Variants in AGPAT2 observed in about 807,000 individuals in gnomAD.
AGPAT2 encodes the protein 1-acyl-sn-glycerol-3-phosphate acyltransferase beta.
AGPAT2 carries 18 observed loss-of-function variants against 26.1 expected under a neutral mutation model. That is an observed-to-expected ratio of 0.69 (90% CI 0.48 to 1.02). The LOEUF (loss-of-function observed/expected upper bound fraction) is 1.02, where lower values mean the gene tolerates loss of function less well. Among genes scored for constraint, AGPAT2 ranks in the 50% least tolerant of loss-of-function variants. The probability of loss-of-function intolerance (pLI) is 0.00; values close to 1 mark genes in which losing one functional copy is unlikely to be tolerated. For synonymous variants in AGPAT2, 200 were observed against 174.2 expected (o/e 1.15, Z -1.16); for missense variants, 415 against 394.9 (o/e 1.05, Z -0.43).
intron 1 of AGPAT2, among the ~76,000 whole-genome samples, chr9:136,681,826 CA>C (rs1846164963): frequency 6.6e-6 from 1 of 152,066 alleles, no homozygotes; most frequent in Non-Finnish European, 1.5e-5. Flanking sequence ...AGTGTTTCCT[CA>C]GAGAGGAAGG....
At position 136,677,831 on chromosome 9, in the gene AGPAT2, A is replaced by C. The variant is rs1846113613; in HGVS notation, c.183-275T>G. On this transcript the variant is annotated intron_variant, in intron 1 of 5. Coordinates refer to ENST00000371696, the MANE Select transcript of AGPAT2 (RefSeq NM_006412.4). ...ATGCTAGGAGCATGGGAAGGCGCCC[A>C]CTTCCAAATCCACATCCAGGGCCCA... Among the ~76,000 whole-genome samples the C allele has an allele frequency of 1.3e-5, 2 of 152,106 alleles. 1 individual carries two copies. Among genetic ancestry groups the C allele is most frequent in the South Asian group, 4.1e-4 (2 of 4,834 alleles).
intron 4 of AGPAT2, among the ~76,000 whole-genome samples, chr9:136,675,240 G>C (rs979636834): frequency 1.3e-5 from 2 of 152,284 alleles, no homozygotes; most frequent in East Asian, 3.9e-4. Flanking sequence ...GAGCCTGCTG[G>C]TGTTCCTGGA....
rs901984554 is a variant in AGPAT2, at chr9:136,676,942, C to T, written c.492+19G>A. ...CAGGCCCCACCCCAACCCCACCGAG[C>T]CCGGCCCTGCACACTCACGTTCTCC... On this transcript the variant is annotated intron_variant, in intron 3 of 5. Transcript: ENST00000371696. 2 of 1,602,332 alleles carry T rather than the reference C, an allele frequency of 1.2e-6. No homozygotes were observed. The highest frequency in any genetic ancestry group is 1.7e-6 in the Non-Finnish European group (2 of 1,172,924).
At position 136,677,493 on chromosome 9, in the gene AGPAT2, GTCCC is replaced by G. The variant is rs1469055079; in HGVS notation, c.242_245del (p.Arg81ProfsTer23). 6.2e-7 allele frequency: 1 copy of G among 1,612,970 alleles called. No homozygotes were observed. The highest frequency in any genetic ancestry group is 1.3e-5 in the African/African-American group (1 of 74,942). ...GACGGGCCTCCTGCAGCCTGCGCGGGTCCCGCACCTCGAAGCGGAGCCCGTAAAA... is the reference window on the plus strand; with the variant it reads ...GACGGGCCTCCTGCAGCCTGCGCGGGGCACCTCGAAGCGGAGCCCGTAAAA... On this transcript the variant is annotated frameshift_variant, in exon 2 of 6. Coordinates refer to ENST00000371696, the MANE Select transcript of AGPAT2 (RefSeq NM_006412.4). LOFTEE classifies it high-confidence loss of function.
chr9:136,686,535 A>T (rs932161963), intron 1 of AGPAT2, among the ~76,000 whole-genome samples: 3 of 152,126 alleles, frequency 2.0e-5, no homozygotes, highest in African/African-American at 7.2e-5. Context: ...CCCTAGTCCT[A>T]ACTCTTCCTT....
intron 4 of AGPAT2, among the ~76,000 whole-genome samples, chr9:136,676,369 G>A (rs1846090001): frequency 6.6e-6 from 1 of 152,226 alleles, no homozygotes; most frequent in Non-Finnish European, 1.5e-5. Flanking sequence ...GTCACTCTGG[G>A]CTCTGTGTGG....
chr9:136,674,146 C>T lies in AGPAT2; in HGVS notation c.662-219G>A, dbSNP rs539169594. 1.6e-4 allele frequency among the ~76,000 whole-genome samples: 25 copies of T among 152,346 alleles called. No homozygotes were observed. The South Asian group carries it at 4.1e-3, about 25-fold the overall frequency. ...CTGCCTGGCCTTCACGCCGCATTTT[C>T]GACAAGTCTGCGCTCCCCTGTTACT... On this transcript the variant is annotated intron_variant, in intron 5 of 5. Coordinates refer to ENST00000371696, the MANE Select transcript of AGPAT2 (RefSeq NM_006412.4).
At chr9:136,687,448 CGGCGGGGCTG>C (rs1588270381) in exon 1 of AGPAT2, 9 of 1,157,850 alleles carry the variant, frequency 7.8e-6, no homozygotes, top group East Asian at 2.0e-4. Context: ...ATTGCGAGGG[CGGCGGGGCTG>C]GGCGGGGCGG....
intron 5 of AGPAT2, among the ~76,000 whole-genome samples, chr9:136,674,532 G>T (rs912976780): frequency 6.6e-6 from 1 of 152,242 alleles, no homozygotes; most frequent in African/African-American, 2.4e-5. Context: ...CTGAAAAATG[G>T]GCCCAGCACC....
intron 1 of AGPAT2, among the ~76,000 whole-genome samples, chr9:136,682,171 C>T (rs188134447): frequency 0.011 from 1,618 of 152,272 alleles, 11 homozygotes; most frequent in Non-Finnish European, 0.015. Context: ...TGGGGCGGCG[C>T]GGGCCCCCAG....
intron 5 of AGPAT2, among the ~76,000 whole-genome samples, 172 bp downstream of exon 5, chr9:136,674,563 A>C (rs1313453578): frequency 1.3e-5 from 2 of 152,226 alleles, no homozygotes; most frequent in African/African-American, 4.8e-5. Flanking sequence ...CAGGGCCATG[A>C]GGCCATGAAG....
chr9:136,684,976 C>A lies in AGPAT2; in HGVS notation c.182+2200G>T, dbSNP rs556387725. On this transcript the variant is annotated intron_variant, in intron 1 of 5. Transcript: ENST00000371696. ...CTTTCTCACCCCTCCCGACGGCCCC[C>A]ACGGAGGGAACGCACGTTCGCAACA... Among the ~76,000 whole-genome samples the A allele has an allele frequency of 1.5e-3, 236 of 152,304 alleles. 3 individuals carry two copies. The highest frequency in any genetic ancestry group is 7.2e-4 in the Non-Finnish European group (49 of 68,014).
At chr9:136,684,215 A>G (rs1216000555) in intron 1 of AGPAT2, among the ~76,000 whole-genome samples, 1 of 152,158 alleles carries the variant, frequency 6.6e-6, no homozygotes, top group Non-Finnish European at 1.5e-5. Flanking sequence ...GAAAAAGTAA[A>G]CTTCTCTGTG....
At chr9:136,685,141 CT>C (rs538012837) in intron 1 of AGPAT2, among the ~76,000 whole-genome samples, 1 of 152,236 alleles carries the variant, frequency 6.6e-6, no homozygotes, top group Non-Finnish European at 1.5e-5. Context: ...CTGGCCCTCC[CT>C]TCTCTTCAGG....
Position 136,673,667 on chromosome 9 carries a change from G to T in AGPAT2, c.*85C>A. The T allele has an allele frequency of 7.2e-7, 1 of 1,390,946 alleles. No homozygotes were observed. The highest frequency in any genetic ancestry group is 9.6e-7 in the Non-Finnish European group (1 of 1,044,508). 86.2% of individuals were successfully genotyped at this position (1,390,946 alleles called of 1,614,324 possible). Reference sequence around the variant, plus strand: ...GGGGAGCCGGACAGAGTGGTATTTGGAAGCCGGGAGGAGTCCCCTCTGCCC... The same window carrying T: ...GGGGAGCCGGACAGAGTGGTATTTGTAAGCCGGGAGGAGTCCCCTCTGCCC... On this transcript the variant is annotated 3_prime_UTR_variant, in exon 6 of 6. Coordinates refer to ENST00000371696, the MANE Select transcript of AGPAT2 (RefSeq NM_006412.4).
At position 136,677,682 on chromosome 9, in the gene AGPAT2, G is replaced by A. The variant is rs571277402; in HGVS notation, c.183-126C>T. 1.2e-4 allele frequency: 133 copies of A among 1,144,088 alleles called. 1 individual carries two copies. In the South Asian group the frequency reaches 1.2e-3, roughly 11 times the overall value. 70.9% of individuals were successfully genotyped at this position (1,144,088 alleles called of 1,614,324 possible). On this transcript the variant is annotated intron_variant, in intron 1 of 5. Transcript: ENST00000371696. ...CCCTCCTGGCACGGGGCAGGAGACCGGGAGACACAGGGGAGGGAGCCCCTG... is the reference window on the plus strand; with the variant it reads ...CCCTCCTGGCACGGGGCAGGAGACCAGGAGACACAGGGGAGGGAGCCCCTG...
chr9:136,673,615 C>T lies in AGPAT2; in HGVS notation c.*137G>A. 9.8e-7 allele frequency: 1 copy of T among 1,022,822 alleles called. No individual in the cohort carries two copies. The highest frequency in any genetic ancestry group is 1.3e-6 in the Non-Finnish European group (1 of 741,712). 63.4% of individuals were successfully genotyped at this position (1,022,822 alleles called of 1,614,324 possible). A position where few individuals can be genotyped will look rare whatever the true frequency, so the allele number is the denominator to read the frequency against. ...CTGAGGCCAGTGACAGAAGGGGCTTCCTGCTTCCCGGGCTGAGTGAGAGCT... is the reference window on the plus strand; with the variant it reads ...CTGAGGCCAGTGACAGAAGGGGCTTTCTGCTTCCCGGGCTGAGTGAGAGCT... On this transcript the variant is annotated 3_prime_UTR_variant, in exon 6 of 6. Transcript: ENST00000371696.
intron 1 of AGPAT2, among the ~76,000 whole-genome samples, chr9:136,686,570 C>T (rs1169850212): frequency 6.6e-6 from 1 of 152,262 alleles, no homozygotes; most frequent in African/African-American, 2.4e-5. Flanking sequence ...GCTGGGCCCC[C>T]GGAGCTGTAG....
At chr9:136,677,989 C>G (rs773168352) in intron 1 of AGPAT2, among the ~76,000 whole-genome samples, 5 of 152,146 alleles carry the variant, frequency 3.3e-5, no homozygotes, top group African/African-American at 1.2e-4. Context: ...CCCCACACAC[C>G]CTGGGGAAGG....
Sources: allele counts gnomAD v4.1 joint callset (sites outside exome capture counted in the v4.1 genomes callset), GRCh38; gene constraint gnomAD v4.1.1; transcripts MANE v1.5; gene names NCBI Gene and HGNC (gene_info 2026-07-23, HGNC 2026-07-21).